Variants in KLK1 observed in about 807,000 individuals in gnomAD.
KLK1 encodes the protein kallikrein 1.
Under a neutral mutation model 23.3 loss-of-function variants are expected in KLK1, and 22 were observed. That is an observed-to-expected ratio of 0.95 (90% confidence interval 0.68 to 1.35). The LOEUF (loss-of-function observed/expected upper bound fraction) is 1.35, where lower values mean the gene tolerates loss of function less well. Ranked by LOEUF, KLK1 falls within the 40% of genes most tolerant of loss-of-function variation. The probability of loss-of-function intolerance (pLI) is 0.00; values close to 1 mark genes in which losing one functional copy is unlikely to be tolerated. For missense variants in KLK1, 301 were observed against 338.9 expected (o/e 0.89, Z 0.88); for synonymous variants, 140 against 135.8 (o/e 1.03, Z -0.21).
intron 4 of KLK1, 122 bp downstream of exon 4, chr19:50,819,777 G>A (rs1186536821): frequency 1.4e-5 from 13 of 948,322 alleles, no homozygotes; most frequent in Non-Finnish European, 1.9e-5. Context: ...CACTGATGGG[G>A]CGAGTGGCTA....
At chr19:50,819,400 G>A (rs2123386246) in intron 4 of KLK1, 51 bp from the exon 5 acceptor site, 2 of 1,545,102 alleles carry the variant, frequency 1.3e-6, no homozygotes, top group South Asian at 1.2e-5. Flanking sequence ...CGGGGCCCAA[G>A]TTCTGCCTGG....
intron 1 of KLK1, chr19:50,822,545 G>C: frequency 1.0e-6 from 1 of 985,414 alleles, no homozygotes; most frequent in Non-Finnish European, 1.2e-6. Flanking sequence ...CTAGAGGTGG[G>C]CTTCCGAGAG....
chr19:50,822,369 C>A (rs1447299802), intron 1 of KLK1: 1 of 987,122 alleles, frequency 1.0e-6, no homozygotes, highest in Non-Finnish European at 1.2e-6. Flanking sequence ...GGAAAGGATG[C>A]AGCTTTAGGG....
intron 1 of KLK1, chr19:50,823,042 G>T: frequency 2.7e-6 from 1 of 368,242 alleles, no homozygotes; most frequent in Non-Finnish European, 3.8e-6. Context: ...GGGAGGGTGT[G>T]GTGTTTTTCC....
Position 50,821,816 on chromosome 19 carries a change from A to G in KLK1, c.102T>C (p.His34=). ...ACAGAGCCGCCTGCCAGGGCTGGGA[A>G]TGCTGCTCACACTCCCAGCCTCCCA... ...RIVGGWECEQ[H]SQPWQAALYH... is the part of the protein sequence containing the mutation. Residue 34 remains histidine (H), a synonymous_variant, in exon 2 of 5, where the codon CAT becomes CAC. Coordinates refer to ENST00000301420, the MANE Select transcript of KLK1 (RefSeq NM_002257.4). The surrounding 1 kb of genome is among the most constrained non-coding windows in gnomAD (Gnocchi z 5.6). 1 of 1,613,850 alleles carries G rather than the reference A, an allele frequency of 6.2e-7. No homozygotes were observed. Among genetic ancestry groups the G allele is most frequent in the Non-Finnish European group, 8.5e-7 (1 of 1,179,940 alleles).
chr19:50,819,344 A>G lies in KLK1; in HGVS notation c.639T>C (p.Asp213=). Residue 213 remains aspartate, a synonymous_variant, in exon 5 of 5, where the codon GAT becomes GAC. Transcript: ENST00000301420. ...CATCACACATCAGCGGGCCCCCTGA[A>G]TCACCCTGGGAGCACAAGGTGGGAG... ...LEGGKDTCVG[D]SGGPLMCDGV... 6.2e-7 allele frequency: 1 copy of G among 1,609,862 alleles called. No homozygotes were observed. The highest frequency in any genetic ancestry group is 1.3e-5 in the African/African-American group (1 of 74,974).
rs949733701 is a variant in KLK1, at chr19:50,821,557, G to A, written c.206+155C>T. On this transcript the variant is annotated intron_variant, in intron 2 of 4. Coordinates refer to ENST00000301420, the MANE Select transcript of KLK1 (RefSeq NM_002257.4). The surrounding 1 kb of genome is among the most constrained non-coding windows in gnomAD (Gnocchi z 5.6). ...AGGCAGCCTTGGAGAGGGGTGTCCA[G>A]CCCAGCTCTGCCCTGCCAGGCGACC... Among the ~76,000 whole-genome samples the A allele has an allele frequency of 2.0e-5, 3 of 152,106 alleles. No homozygotes were observed. The highest frequency in any genetic ancestry group is 4.8e-5 in the African/African-American group (2 of 41,418).
At position 50,820,404 on chromosome 19, in the gene KLK1, G is replaced by A. The variant is rs151283555; in HGVS notation, c.246C>T (p.Asp82=). Residue 82 remains aspartate, a synonymous_variant, in exon 3 of 5, where the codon GAC becomes GAT. Transcript: ENST00000301420. The part of the protein sequence containing the change: ...QLWLGRHNLF[D]DENTAQFVHV... ...GAACAAACTGGGCTGTGTTTTCGTC[G>A]TCAAACAAGTTGTGGCGACCCAGCC... is the stretch of plus-strand genomic sequence containing the variant. 98 of 1,595,434 alleles carry A rather than the reference G, an allele frequency of 6.1e-5. No homozygotes were observed. The highest frequency in any genetic ancestry group is 1.7e-4 in the Middle Eastern group (1 of 6,008).
chr19:50,820,629 G>C (rs1369046398), intron 2 of KLK1, 186 bp from the exon 3 acceptor site: 2 of 542,262 alleles, frequency 3.7e-6, no homozygotes, highest in Non-Finnish European at 6.5e-6. Context: ...GAAAGATTTT[G>C]AGAGTGCAAA....
In KLK1 at chr19:50,823,724, C is replaced by G; in HGVS notation, c.25G>C (p.Ala9Pro). ...TCACCAGTCCCCCCCAGGGACAGGG[C>G]GAGGCACAGAACCAGGAACCACATG... MWFLVLCL[A>P]LSLGGTGAAP... The change falls in exon 1 of 5, where the codon GCC becomes CCC. Residue 9 changes from alanine (A) to proline (P), a missense_variant. Coordinates refer to ENST00000301420, the MANE Select transcript of KLK1 (RefSeq NM_002257.4). The G allele has an allele frequency of 6.2e-7, 1 of 1,610,040 alleles. No individual in the cohort carries two copies. The highest frequency in any genetic ancestry group is 8.5e-7 in the Non-Finnish European group (1 of 1,177,148).
intron 2 of KLK1, 25 bp from the exon 3 acceptor site, chr19:50,820,468 A>G (rs1599943812): frequency 1.1e-6 from 1 of 917,214 alleles, no homozygotes; most frequent in Non-Finnish European, 1.6e-6. Context: ...GAATGGAGGG[A>G]TGAGAAGACG....
intron 1 of KLK1, 29 bp downstream of exon 1, chr19:50,823,674 C>A: frequency 6.8e-7 from 1 of 1,478,566 alleles, no homozygotes; most frequent in Non-Finnish European, 9.4e-7. Flanking sequence ...AGGGCCCGTT[C>A]CCCCTCCCAC....
intron 1 of KLK1, 65 bp downstream of exon 1, chr19:50,823,638 G>T (rs1298156087): frequency 1.1e-5 from 12 of 1,082,560 alleles, no homozygotes; most frequent in Non-Finnish European, 1.7e-5. Flanking sequence ...CTTATCGGGG[G>T]GGGATGTGAG....
intron 1 of KLK1, chr19:50,822,742 A>T: frequency 1.0e-6 from 1 of 985,358 alleles, no homozygotes; most frequent in African/African-American, 1.7e-5. Context: ...GTCTGAGGGT[A>T]CTGGAAGGAT....
intron 2 of KLK1, 22 bp from the exon 3 acceptor site, chr19:50,820,465 G>A: frequency 1.3e-6 from 2 of 1,559,126 alleles, no homozygotes; most frequent in Non-Finnish European, 1.8e-6. Context: ...TGGGAATGGA[G>A]GGATGAGAAG....
chr19:50,822,523 C>T, intron 1 of KLK1: 1 of 985,262 alleles, frequency 1.0e-6, no homozygotes. Context: ...AAAGAAAGGG[C>T]TATGGTTAAG....
Position 50,821,795 on chromosome 19 carries a change from A to G in KLK1, c.123T>C (p.Ala41=), listed in dbSNP as rs763605886. 5 of 1,613,828 alleles carry G rather than the reference A, an allele frequency of 3.1e-6. No individual in the cohort carries two copies. The highest frequency in any genetic ancestry group is 4.5e-5 in the East Asian group (2 of 44,884). ...CEQHSQPWQA[A]LYHFSTFQCG... ...ACTGGAAAGTGCTGAAATGGTACAG[A>G]GCCGCCTGCCAGGGCTGGGAATGCT... Residue 41 remains alanine (A), a synonymous_variant, in exon 2 of 5, where the codon GCT becomes GCC. Coordinates refer to ENST00000301420, the MANE Select transcript of KLK1 (RefSeq NM_002257.4). This position sits in a 1 kb window ranked among gnomAD's most constrained non-coding sequence, Gnocchi z 5.6.
At chr19:50,820,511 T>TTGTTG in intron 2 of KLK1, 68 bp from the exon 3 acceptor site, 17 of 135,836 alleles carry the variant, frequency 1.3e-4, no homozygotes, top group Non-Finnish European at 1.7e-4. Context: ...CAGGGGAGCA[T>TTGTTG]GGGGGAGGGT....
Position 50,821,962 on chromosome 19 carries a change from GGGACATTGCGGGTAGA to G in KLK1, c.47-107_47-92del. The G allele has an allele frequency of 2.0e-6, 3 of 1,494,906 alleles. No individual in the cohort carries two copies. In the East Asian group the frequency reaches 7.1e-5, roughly 35 times the overall value. 92.6% of individuals were successfully genotyped at this position (1,494,906 alleles called of 1,614,324 possible). Reference sequence around the variant, plus strand: ...GAGGGAGCTGGGCTGTGGGTCTGAAGGGACATTGCGGGTAGAGGACCAGGGCTGGAGGTTGGGGACA... The same window carrying G: ...GAGGGAGCTGGGCTGTGGGTCTGAAGGGACCAGGGCTGGAGGTTGGGGACA... On this transcript the variant is annotated intron_variant, in intron 1 of 4. Coordinates refer to ENST00000301420, the MANE Select transcript of KLK1 (RefSeq NM_002257.4). The surrounding 1 kb of genome is among the most constrained non-coding windows in gnomAD (Gnocchi z 5.6).
Sources: gnomAD v4.1 joint callset for allele counts (sites outside exome capture counted in the v4.1 genomes callset) on GRCh38, gnomAD v4.1.1 for gene constraint, Gnocchi (gnomAD v3.1) non-coding constraint, MANE v1.5 for transcripts, NCBI Gene and HGNC (gene_info 2026-07-23, HGNC 2026-07-21) for gene names.